POLB: variants seen among roughly 807,000 people sequenced by gnomAD.
POLB encodes the protein 5'-dRP lyase.
In POLB, 37 loss-of-function variants were observed where a neutral mutation model predicts 52.7. The observed-to-expected ratio is 0.70, with a 90% CI of 0.54 to 0.92. The LOEUF (loss-of-function observed/expected upper bound fraction) is 0.92, where lower values mean the gene tolerates loss of function less well. POLB is among the 40% of genes least tolerant of loss of function. The probability of loss-of-function intolerance (pLI) is 0.00; values close to 1 mark genes in which losing one functional copy is unlikely to be tolerated. For missense variants in POLB, 313 were observed against 400.8 expected (o/e 0.78, Z 1.87); for synonymous variants, 138 against 131.3 (o/e 1.05, Z -0.35).
At chr8:42,354,569 C>T (rs1389499553) in intron 6 of POLB, 6 of 724,350 alleles carry the variant, frequency 8.3e-6, no homozygotes, top group South Asian at 7.2e-5. Context: ...TGTTTTGAGA[C>T]ACAGTCTTGC....
intron 11 of POLB, 116 bp downstream of exon 11, chr8:42,362,814 A>G (rs961346864): frequency 1.3e-5 from 8 of 609,022 alleles, no homozygotes; most frequent in Non-Finnish European, 2.4e-5. Context: ...TAGAGTATCC[A>G]TGAGACTTTA....
intron 13 of POLB, among the ~76,000 whole-genome samples, chr8:42,370,949 C>T (rs985954261): frequency 6.6e-6 from 1 of 152,152 alleles, no homozygotes; most frequent in Non-Finnish European, 1.5e-5. Flanking sequence ...GTCCAAGAAC[C>T]GAGTTGCAAA....
chr8:42,340,927 G>C (rs780245093), intron 2 of POLB, among the ~76,000 whole-genome samples: 2 of 152,204 alleles, frequency 1.3e-5, no homozygotes, highest in African/African-American at 4.8e-5. Context: ...GAAAGGAGGT[G>C]TTTAGTTTGA....
chr8:42,339,111 T>G, intron 2 of POLB, 42 bp downstream of exon 2: 2 of 1,481,298 alleles, frequency 1.4e-6, no homozygotes, highest in Non-Finnish European at 1.9e-6. Context: ...CGTTCTGGGA[T>G]ACCCTGTTTA....
chr8:42,350,186 A>G (rs756350264), intron 5 of POLB, 121 bp downstream of exon 5: 154 of 735,242 alleles, frequency 2.1e-4, no homozygotes, highest in Non-Finnish European at 3.1e-4. Context: ...TTAGCCATAC[A>G]GTTCACCCTT....
chr8:42,343,671 C>T (rs1279107040), intron 2 of POLB, among the ~76,000 whole-genome samples: 2 of 152,082 alleles, frequency 1.3e-5, no homozygotes, highest in East Asian at 1.9e-4. Flanking sequence ...CAAAGAAAGA[C>T]AGCTGGTCTC....
chr8:42,367,865 A>C (rs1824138780), intron 11 of POLB, among the ~76,000 whole-genome samples: 1 of 152,202 alleles, frequency 6.6e-6, no homozygotes, highest in Non-Finnish European at 1.5e-5. Context: ...TTCAGATTTC[A>C]GTATTTTGTG....
chr8:42,338,864 G>C, intron 1 of POLB, 148 bp from the exon 2 acceptor site: 2 of 915,446 alleles, frequency 2.2e-6, no homozygotes, highest in East Asian at 5.1e-5. Context: ...GGCTACACCT[G>C]GGCCATCGCT....
chr8:42,354,033 G>C (rs1823146901), intron 6 of POLB, among the ~76,000 whole-genome samples: 2 of 152,146 alleles, frequency 1.3e-5, no homozygotes, highest in Admixed American at 6.5e-5. Flanking sequence ...GGTATAGACA[G>C]CTTATATGAG....
At chr8:42,352,249 A>G (rs1823019615) in intron 5 of POLB, among the ~76,000 whole-genome samples, 1 of 152,202 alleles carries the variant, frequency 6.6e-6, no homozygotes, top group South Asian at 2.1e-4. Flanking sequence ...AGTTCAATGA[A>G]TGAACAGTTT....
intron 2 of POLB, 175 bp downstream of exon 2, chr8:42,339,244 G>C: frequency 1.6e-6 from 1 of 632,276 alleles, no homozygotes; most frequent in South Asian, 1.8e-5. Flanking sequence ...TGCGTTATAG[G>C]ATCAGTTCAG....
intron 13 of POLB, chr8:42,370,302 C>T: frequency 2.5e-6 from 1 of 393,082 alleles, no homozygotes; most frequent in African/African-American, 2.2e-5. Context: ...TTTAATGTAC[C>T]TCTAGGACCC....
At chr8:42,370,230 T>C in intron 13 of POLB, 2 of 544,432 alleles carry the variant, frequency 3.7e-6, no homozygotes, top group Non-Finnish European at 3.5e-6. Context: ...CCTTGCATGC[T>C]CAGTAAAATA....
intron 11 of POLB, among the ~76,000 whole-genome samples, chr8:42,367,816 T>C (rs992133834): frequency 6.6e-6 from 1 of 152,224 alleles, no homozygotes. Context: ...AAAAGTTTCC[T>C]CTGCATTCAA....
rs570723788 is a variant in POLB, at chr8:42,370,183, C to G, written c.913+195C>G. ...GGCCCTCAGTTGAAGGCCATCAAGG[C>G]AAGCGTTAGTTCCAGCTTTGTTAAA... On this transcript the variant is annotated intron_variant, in intron 13 of 13. Coordinates refer to ENST00000265421, the MANE Select transcript of POLB (RefSeq NM_002690.3). The G allele has an allele frequency of 3.0e-6, 2 of 659,104 alleles. 1 individual carries two copies. The highest frequency in any genetic ancestry group is 3.0e-5 in the South Asian group (2 of 66,360). The allele number at this position is 659,104 out of a possible 1,614,324, so 40.8% of individuals were successfully genotyped here. A position where few individuals can be genotyped will look rare whatever the true frequency, so the allele number is the denominator to read the frequency against.
chr8:42,365,024 G>A (rs1247732237), intron 11 of POLB, among the ~76,000 whole-genome samples: 1 of 151,832 alleles, frequency 6.6e-6, no homozygotes, highest in Non-Finnish European at 1.5e-5. Flanking sequence ...GAGTTCGAGG[G>A]TATAGTGAGC....
At chr8:42,344,536 ATGGAGG>A (rs1822485497) in intron 2 of POLB, among the ~76,000 whole-genome samples, 1 of 151,604 alleles carries the variant, frequency 6.6e-6, no homozygotes, top group South Asian at 2.1e-4. Context: ...TAAGTTCCAT[ATGGAGG>A]TAGAAAATTA....
At chr8:42,341,950 G>T in intron 2 of POLB, 2 of 704,730 alleles carry the variant, frequency 2.8e-6, no homozygotes, top group South Asian at 1.5e-5. Flanking sequence ...CCTTCATCAT[G>T]TCTGAAGTTA....
intron 11 of POLB, 56 bp downstream of exon 11, chr8:42,362,754 G>T: frequency 1.2e-6 from 1 of 868,476 alleles, no homozygotes; most frequent in South Asian, 1.4e-5. Context: ...CTGTTCAGTA[G>T]CCATTCTGAG....
Sources: gnomAD v4.1 joint callset for allele counts (sites outside exome capture counted in the v4.1 genomes callset) on GRCh38, gnomAD v4.1.1 for gene constraint, MANE v1.5 for transcripts, NCBI Gene and HGNC (gene_info 2026-07-23, HGNC 2026-07-21) for gene names.